ABCC1: variants seen among roughly 807,000 people sequenced by gnomAD.
ABCC1 encodes the protein ATP binding cassette subfamily C member 1 (ABCC1 blood group).
Under a neutral mutation model 172.9 loss-of-function variants are expected in ABCC1, and 83 were observed. The ratio of observed to expected loss-of-function variants is 0.48; its 90% CI spans 0.40 to 0.58. The LOEUF (loss-of-function observed/expected upper bound fraction) is 0.58, where lower values mean the gene tolerates loss of function less well. Among genes scored for constraint, ABCC1 ranks in the 20% least tolerant of loss-of-function variants. The pLI is 0.00. For missense variants in ABCC1, 1,817 were observed against 2,002.7 expected (o/e 0.91, Z 1.77); for synonymous variants, 937 against 825.2 (o/e 1.14, Z -2.32).
At chr16:16,113,741 C>A (rs945526116) in intron 22 of ABCC1, among the ~76,000 whole-genome samples, 1 of 152,196 alleles carries the variant, frequency 6.6e-6, no homozygotes, top group African/African-American at 2.4e-5. Context: ...AGAAAATTAT[C>A]TCAGCACTGT....
chr16:16,033,921 A>G (rs1182970668), intron 6 of ABCC1, among the ~76,000 whole-genome samples: 1 of 150,434 alleles, frequency 6.6e-6, no homozygotes, highest in Non-Finnish European at 1.5e-5. Context: ...CACCATGCCC[A>G]GCTACCTTCT....
At chr16:15,979,473 A>G (rs2046571422) in intron 1 of ABCC1, among the ~76,000 whole-genome samples, 1 of 151,932 alleles carries the variant, frequency 6.6e-6, no homozygotes, top group African/African-American at 2.4e-5. Flanking sequence ...GTATAGCCAA[A>G]ATGACCCTGG....
chr16:16,079,216 C>T, intron 15 of ABCC1, 136 bp from the exon 16 acceptor site: 1 of 1,319,108 alleles, frequency 7.6e-7, no homozygotes, highest in Non-Finnish European at 1.0e-6. Flanking sequence ...ATGTTGAGGC[C>T]TTCAGTGTTT....
At chr16:16,003,610 A>G (rs2047402286) in intron 1 of ABCC1, among the ~76,000 whole-genome samples, 1 of 142,178 alleles carries the variant, frequency 7.0e-6, no homozygotes, top group South Asian at 2.4e-4. Flanking sequence ...GTGGATGGGT[A>G]GGTGGATGTA....
In ABCC1 at chr16:15,974,596, G is replaced by A. The variant is rs45546733; in HGVS notation, c.48+24797G>A. Among the ~76,000 whole-genome samples, 1,312 of 152,180 alleles carry A rather than the reference G, an allele frequency of 8.6e-3. 30 individuals carry two copies. Among genetic ancestry groups the A allele is most frequent in the African/African-American group, 0.03 (1,253 of 41,520 alleles). ...CAGGCTGTTGATATGGACATGCTGCGTTTCATGGAATCCTAGAGGCCAGTA... is the reference window on the plus strand; with the variant it reads ...CAGGCTGTTGATATGGACATGCTGCATTTCATGGAATCCTAGAGGCCAGTA... On this transcript the variant is annotated intron_variant, in intron 1 of 30. Transcript: ENST00000399410.
intron 1 of ABCC1, among the ~76,000 whole-genome samples, chr16:15,999,836 C>CTCTTTCTTTCTTTCTTTCTCTCTTTCTT (rs2047218197): frequency 5.9e-5 from 1 of 16,826 alleles, no homozygotes; most frequent in Non-Finnish European, 1.3e-4. Context: ...CTCTCTCTGT[C>CTCTTTCTTTCTTTCTTTCTCTCTTTCTT]TCTTTCTTTC....
At position 16,076,401 on chromosome 16, in the gene ABCC1, G is replaced by C; in HGVS notation, c.1988G>C (p.Gly663Ala). The C allele has an allele frequency of 6.2e-7, 1 of 1,605,644 alleles. No homozygotes were observed. Among genetic ancestry groups the C allele is most frequent in the Non-Finnish European group, 8.5e-7 (1 of 1,176,658 alleles). Residue 663 changes from glycine to alanine, a missense_variant and splice_region_variant, in exon 15 of 31, where the codon GGC becomes GCC. Physicochemically the swap from Gly to Ala is moderately conservative, Grantham distance 60. Coordinates refer to ENST00000399410, the MANE Select transcript of ABCC1 (RefSeq NM_004996.4). Reference protein sequence around the residue: ...WARSDPPTLNGITFSIPEGAL... With the variant: ...WARSDPPTLNAITFSIPEGAL... ...AGGAGCGACCCTCCCACACTGAATG[G>C]GTAAGCCGGGACGTGGACACACGTG...
At chr16:16,078,371 T>C (rs1451950055) in intron 15 of ABCC1, among the ~76,000 whole-genome samples, 2 of 152,108 alleles carry the variant, frequency 1.3e-5, no homozygotes, top group African/African-American at 2.4e-5. Flanking sequence ...CTGAGCTTAT[T>C]TTATTTTGCT....
At chr16:16,007,006 AG>A (rs1172898622) in intron 1 of ABCC1, among the ~76,000 whole-genome samples, 2 of 152,058 alleles carry the variant, frequency 1.3e-5, no homozygotes, top group Non-Finnish European at 2.9e-5. Flanking sequence ...GAAGATGATT[AG>A]AAAGTCCTCA....
chr16:16,123,377 G>A (rs926929438), intron 24 of ABCC1, among the ~76,000 whole-genome samples: 2 of 152,180 alleles, frequency 1.3e-5, no homozygotes, highest in African/African-American at 4.8e-5. Context: ...GCTCACATCT[G>A]TAATCCCAGC....
rs890640861 is a variant in ABCC1 at position 16,090,265 on chromosome 16, C to T, written c.2461-140C>T. Reference sequence around the variant, plus strand: ...CAGCTGCTCCTGGATGCTGTTATCGCGGGTGCATGTCCCACCTTCAGACCT... The same window carrying T: ...CAGCTGCTCCTGGATGCTGTTATCGTGGGTGCATGTCCCACCTTCAGACCT... On this transcript the variant is annotated intron_variant, in intron 18 of 30. Transcript: ENST00000399410. 3.9e-5 allele frequency: 30 copies of T among 771,492 alleles called. No homozygotes were observed. The East Asian group carries it at 4.0e-4, about 10-fold the overall frequency. The allele number at this position is 771,492 out of a possible 1,614,324, so 47.8% of individuals were successfully genotyped here.
intron 5 of ABCC1, among the ~76,000 whole-genome samples, chr16:16,023,901 T>C (rs935163987): frequency 6.6e-6 from 1 of 152,162 alleles, no homozygotes; most frequent in African/African-American, 2.4e-5. Context: ...AGGGAGCTTG[T>C]GGGTGTTGGG....
intron 1 of ABCC1, among the ~76,000 whole-genome samples, chr16:16,000,883 G>C (rs1384878799): frequency 6.6e-6 from 1 of 152,178 alleles, no homozygotes; most frequent in Non-Finnish European, 1.5e-5. Flanking sequence ...TGAGGTACCT[G>C]AGTTGGATTT....
chr16:16,073,524 A>G (rs1304712733), intron 14 of ABCC1, among the ~76,000 whole-genome samples: 2 of 152,286 alleles, frequency 1.3e-5, no homozygotes, highest in Non-Finnish European at 2.9e-5. Flanking sequence ...GTACTTTGGG[A>G]GGCCAAGGCT....
At chr16:16,094,156 G>A in intron 19 of ABCC1, 1 of 234,240 alleles carries the variant, frequency 4.3e-6, no homozygotes, top group East Asian at 1.1e-4. Flanking sequence ...TCTGGATGTG[G>A]CAGAGTGAGC....
chr16:16,033,688 T>C (rs2048637192), intron 6 of ABCC1, among the ~76,000 whole-genome samples: 2 of 152,054 alleles, frequency 1.3e-5, no homozygotes, highest in South Asian at 4.1e-4. Flanking sequence ...ACTCTGTCAG[T>C]CTCAGCTCAC....
chr16:16,003,607 G>T (rs907501464), intron 1 of ABCC1, among the ~76,000 whole-genome samples: 1 of 148,730 alleles, frequency 6.7e-6, no homozygotes, highest in African/African-American at 2.5e-5. Context: ...TTGGTGGATG[G>T]GTAGGTGGAT....
At chr16:16,052,083 T>C (rs989645196) in intron 10 of ABCC1, among the ~76,000 whole-genome samples, 1 of 151,944 alleles carries the variant, frequency 6.6e-6, no homozygotes, top group Non-Finnish European at 1.5e-5. Context: ...ATCAAAAAAA[T>C]AGCTGGGCAT....
At chr16:16,033,069 T>G in intron 5 of ABCC1, 40 bp from the exon 6 acceptor site, 1 of 1,596,776 alleles carries the variant, frequency 6.3e-7, no homozygotes. Context: ...AAATCATTCC[T>G]TTCCCTCTTC....
Sources: gnomAD v4.1 joint callset for allele counts (sites outside exome capture counted in the v4.1 genomes callset) on GRCh38, gnomAD v4.1.1 for gene constraint, MANE v1.5 for transcripts, NCBI Gene and HGNC (gene_info 2026-07-23, HGNC 2026-07-21) for gene names.